The following NCAM2 variants were observed in gnomAD, a reference collection of about 807,000 sequenced individuals.
NCAM2 encodes the protein N-CAM-2.
A neutral mutation model predicts 98.1 loss-of-function variants in NCAM2; 30 were observed. The observed-to-expected ratio is 0.31, with a 90% CI of 0.23 to 0.41. The LOEUF (loss-of-function observed/expected upper bound fraction) is 0.41, where lower values mean the gene tolerates loss of function less well. Ranked by LOEUF, NCAM2 falls within the 10% of genes least tolerant of loss-of-function variation. The probability of loss-of-function intolerance (pLI) is 1.00; values close to 1 mark genes in which losing one functional copy is unlikely to be tolerated. For synonymous variants in NCAM2, 368 were observed against 342.4 expected (o/e 1.07, Z -0.83); for missense variants, 867 against 1,005.8 (o/e 0.86, Z 1.87).
chr21:21,428,910 G>A (rs1221287078), intron 11 of NCAM2, among the ~76,000 whole-genome samples: 1 of 152,102 alleles, frequency 6.6e-6, no homozygotes, highest in Non-Finnish European at 1.5e-5. Flanking sequence ...CAGTCACTTT[G>A]TTCTATGTTA....
At chr21:21,311,649 G>T (rs1371770315) in intron 5 of NCAM2, among the ~76,000 whole-genome samples, 1 of 152,028 alleles carries the variant, frequency 6.6e-6, no homozygotes, top group Non-Finnish European at 1.5e-5. Context: ...CCCATGGTAT[G>T]ACTTCTTATT....
intron 1 of NCAM2, among the ~76,000 whole-genome samples, chr21:21,157,893 T>C (rs2067663317): frequency 6.6e-6 from 1 of 152,184 alleles, no homozygotes; most frequent in Non-Finnish European, 1.5e-5. Flanking sequence ...TTCAGAAATG[T>C]AGAGCCTAGT....
intron 1 of NCAM2, among the ~76,000 whole-genome samples, chr21:21,046,734 GTTTGTTTTGT>G (rs901923137): frequency 2.0e-5 from 3 of 151,988 alleles, no homozygotes; most frequent in Non-Finnish European, 4.4e-5. Flanking sequence ...ATTCTTACTG[GTTTGTTTTGT>G]TTTGTTTTGT....
chr21:21,088,771 T>A (rs1448635319), intron 1 of NCAM2, among the ~76,000 whole-genome samples: 1 of 152,002 alleles, frequency 6.6e-6, no homozygotes, highest in East Asian at 1.9e-4. Flanking sequence ...GGCAGGCGGA[T>A]CACGAGGTCA....
chr21:21,133,203 C>G (rs1436982826), intron 1 of NCAM2, among the ~76,000 whole-genome samples: 2 of 152,154 alleles, frequency 1.3e-5, no homozygotes, highest in African/African-American at 4.8e-5. Context: ...AATGATAATA[C>G]TAACAATGAA....
chr21:21,350,367 T>G (rs2075302031), intron 8 of NCAM2, among the ~76,000 whole-genome samples: 1 of 152,176 alleles, frequency 6.6e-6, no homozygotes, highest in African/African-American at 2.4e-5. Flanking sequence ...AACTACGATG[T>G]GTTCCTAATT....
chr21:21,327,627 A>G (rs2074555009), intron 6 of NCAM2, among the ~76,000 whole-genome samples: 1 of 152,162 alleles, frequency 6.6e-6, no homozygotes, highest in Non-Finnish European at 1.5e-5. Flanking sequence ...TGATGGTTGA[A>G]CCACTCAATA....
chr21:21,495,121 C>T (rs982193144), intron 15 of NCAM2, among the ~76,000 whole-genome samples: 7 of 150,802 alleles, frequency 4.6e-5, no homozygotes, highest in African/African-American at 1.5e-4. Context: ...AAAAGCAGGG[C>T]GGCCATGGGG....
chr21:21,127,801 C>T (rs1044602429), intron 1 of NCAM2, among the ~76,000 whole-genome samples: 3 of 151,906 alleles, frequency 2.0e-5, no homozygotes, highest in Non-Finnish European at 2.9e-5. Flanking sequence ...ATTTTTATGA[C>T]GAATATTTCA....
At chr21:21,475,816 C>T (rs1985093875) in intron 14 of NCAM2, among the ~76,000 whole-genome samples, 1 of 152,118 alleles carries the variant, frequency 6.6e-6, no homozygotes, top group Admixed American at 6.5e-5. Context: ...AATAGCAAAA[C>T]AGGCCAAACT....
At chr21:21,081,426 G>T (rs1182112143) in intron 1 of NCAM2, among the ~76,000 whole-genome samples, 1 of 152,074 alleles carries the variant, frequency 6.6e-6, no homozygotes. Flanking sequence ...GACATTCCTG[G>T]TGTGTGTTGA....
intron 5 of NCAM2, among the ~76,000 whole-genome samples, chr21:21,303,674 A>T (rs997188504): frequency 6.6e-6 from 1 of 152,056 alleles, no homozygotes; most frequent in Non-Finnish European, 1.5e-5. Flanking sequence ...TATCACTTTT[A>T]AAAAACACTT....
chr21:21,517,758 T>G (rs977109907), intron 16 of NCAM2, among the ~76,000 whole-genome samples: 9 of 152,058 alleles, frequency 5.9e-5, no homozygotes, highest in East Asian at 1.9e-4. Flanking sequence ...CTCGGGAGGC[T>G]GAGACAGGAG....
intron 12 of NCAM2, among the ~76,000 whole-genome samples, chr21:21,435,373 C>T (rs776588473): frequency 1.3e-5 from 2 of 152,126 alleles, no homozygotes; most frequent in Non-Finnish European, 2.9e-5. Flanking sequence ...CCAAACAATT[C>T]AGTGGGTTCT....
chr21:21,233,460 AT>A (rs1275601587), intron 1 of NCAM2, among the ~76,000 whole-genome samples: 1 of 151,674 alleles, frequency 6.6e-6, no homozygotes, highest in African/African-American at 2.4e-5. Context: ...GCAATAGAGT[AT>A]TTTTAATTTG....
At chr21:21,373,419 GA>G (rs945493852) in intron 8 of NCAM2, among the ~76,000 whole-genome samples, 1 of 151,624 alleles carries the variant, frequency 6.6e-6, no homozygotes, top group Non-Finnish European at 1.5e-5. Flanking sequence ...AATATAGAGA[GA>G]AAAAAAGGGG....
At chr21:21,181,456 T>A (rs1214437207) in intron 1 of NCAM2, among the ~76,000 whole-genome samples, 4 of 152,174 alleles carry the variant, frequency 2.6e-5, no homozygotes, top group African/African-American at 9.6e-5. Context: ...GTTATCATGC[T>A]TACCCAATTA....
chr21:21,078,591 A>T (rs2065728730), intron 1 of NCAM2, among the ~76,000 whole-genome samples: 1 of 152,186 alleles, frequency 6.6e-6, no homozygotes, highest in Non-Finnish European at 1.5e-5. Flanking sequence ...GTTGGTGGGA[A>T]TATAAAGTAG....
At chr21:21,089,764 C>A (rs2065974711) in intron 1 of NCAM2, among the ~76,000 whole-genome samples, 1 of 152,132 alleles carries the variant, frequency 6.6e-6, no homozygotes, top group African/African-American at 2.4e-5. Context: ...CCACGTGTTT[C>A]TGAAAATCAG....
Sources: gnomAD v4.1 joint callset for allele counts (sites outside exome capture counted in the v4.1 genomes callset) on GRCh38, gnomAD v4.1.1 for gene constraint, MANE v1.5 for transcripts, NCBI Gene and HGNC (gene_info 2026-07-23, HGNC 2026-07-21) for gene names.